Variants in ADCY3 observed in about 807,000 individuals in gnomAD.
ADCY3 encodes the protein adenylate cyclase 3.
ADCY3 carries 70 observed loss-of-function variants against 119.4 expected under a neutral mutation model. That is an observed-to-expected ratio of 0.59 (90% CI 0.48 to 0.72). The LOEUF (loss-of-function observed/expected upper bound fraction) is 0.72. ADCY3 is among the 30% of genes least tolerant of loss of function. The probability of loss-of-function intolerance (pLI) is 0.00; values close to 1 mark genes in which losing one functional copy is unlikely to be tolerated. For synonymous variants in ADCY3, 672 were observed against 621.4 expected (o/e 1.08, Z -1.21); for missense variants, 1,238 against 1,541.6 (o/e 0.80, Z 3.30).
intron 3 of ADCY3, among the ~76,000 whole-genome samples, chr2:24,860,495 A>C (rs2148719489): frequency 6.6e-6 from 1 of 152,358 alleles, no homozygotes; most frequent in Non-Finnish European, 1.5e-5. Flanking sequence ...AAGAGCTCCA[A>C]ATCCACAAGG....
intron 12 of ADCY3, 101 bp downstream of exon 12, chr2:24,831,561 G>T: frequency 1.1e-6 from 1 of 945,152 alleles, no homozygotes; most frequent in Non-Finnish European, 1.7e-6. Flanking sequence ...GTGTCTGCCT[G>T]TCAGATTTGA....
chr2:24,908,778 A>G (rs1209363606), intron 2 of ADCY3, among the ~76,000 whole-genome samples: 1 of 152,186 alleles, frequency 6.6e-6, no homozygotes, highest in Non-Finnish European at 1.5e-5. Flanking sequence ...AAACACCATC[A>G]GACAGACACT....
chr2:24,877,476 C>T (rs955159928), intron 2 of ADCY3, among the ~76,000 whole-genome samples: 1 of 152,214 alleles, frequency 6.6e-6, no homozygotes. Context: ...GGTCGCTCCC[C>T]TGAGGACAGC....
Position 24,823,366 on chromosome 2 carries a change from G to C in ADCY3, c.2737-11C>G. 6.2e-7 allele frequency: 1 copy of C among 1,609,432 alleles called. No individual in the cohort carries two copies. Among genetic ancestry groups the C allele is most frequent in the Non-Finnish European group, 8.5e-7 (1 of 1,178,700 alleles). ...CTGGCTATACAGCTCCTAAAAAGAG[G>C]TGCGGACAACGTGCTCAAAGCATGT... On this transcript the variant is annotated splice_polypyrimidine_tract_variant and intron_variant, in intron 17 of 21. Transcript: ENST00000679454.
At chr2:24,826,175 G>C in intron 15 of ADCY3, 49 bp from the exon 16 acceptor site, 1 of 1,533,424 alleles carries the variant, frequency 6.5e-7, no homozygotes. Context: ...CTGCCTCCTG[G>C]AGGGGGCCTG....
intron 2 of ADCY3, among the ~76,000 whole-genome samples, chr2:24,897,427 A>G (rs898670044): frequency 2.0e-5 from 3 of 152,162 alleles, no homozygotes; most frequent in Admixed American, 6.5e-5. Flanking sequence ...CTGAAACTGG[A>G]CAGAGCAGAA....
At chr2:24,864,849 G>A (rs951045604) in intron 3 of ADCY3, among the ~76,000 whole-genome samples, 1 of 152,098 alleles carries the variant, frequency 6.6e-6, no homozygotes, top group African/African-American at 2.4e-5. Context: ...GATTAAAATG[G>A]TAAATTTTAT....
In ADCY3 at chr2:24,918,499, G is replaced by C. The variant is rs143034828; in HGVS notation, c.489C>G (p.His163Gln). 1.6e-5 allele frequency: 26 copies of C among 1,613,892 alleles called. No individual in the cohort carries two copies. In the Middle Eastern group the frequency reaches 1.3e-3, roughly 82 times the overall value. The change falls in exon 2 of 22, where the codon CAC becomes CAG. Residue 163 changes from histidine (H) to glutamine (Q), a missense_variant. Transcript: ENST00000679454. This position sits in a 1 kb window ranked among gnomAD's most constrained non-coding sequence, Gnocchi z 5.4. Reference sequence around the variant, plus strand: ...GCCAGCCCACCGTGTCACTAGCCGCGTGGGCACGCGCGAAGTTCAGGCCCA... The same window carrying C: ...GCCAGCCCACCGTGTCACTAGCCGCCTGGGCACGCGCGAAGTTCAGGCCCA... ...SYLGLNFARA[H>Q]AASDTVGWQV... is the part of the protein sequence containing the mutation.
At chr2:24,866,579 A>AAG (rs1553350409) in intron 3 of ADCY3, among the ~76,000 whole-genome samples, 3 of 150,118 alleles carry the variant, frequency 2.0e-5, no homozygotes, top group African/African-American at 7.3e-5. Context: ...AAAAAAAAAA[A>AAG]AAAAAAGAAA....
intron 3 of ADCY3, among the ~76,000 whole-genome samples, chr2:24,859,901 C>T (rs1258351588): frequency 6.6e-6 from 1 of 152,174 alleles, no homozygotes; most frequent in Non-Finnish European, 1.5e-5. Context: ...TGGCTTTCTA[C>T]CCTAGACCCT....
chr2:24,837,172 G>T, intron 8 of ADCY3, 127 bp from the exon 9 acceptor site: 1 of 1,141,390 alleles, frequency 8.8e-7, no homozygotes, highest in Non-Finnish European at 1.2e-6. Context: ...GAACTTGCTT[G>T]TGGATTGCAA....
At position 24,918,882 on chromosome 2, in the gene ADCY3, G is replaced by A; in HGVS notation, c.106C>T (p.His36Tyr). The A allele has an allele frequency of 6.2e-7, 1 of 1,613,092 alleles. No individual in the cohort carries two copies. The highest frequency in any genetic ancestry group is 1.1e-5 in the South Asian group (1 of 91,084). ...CCCGAGTTCCGGACCGAGATTTCAT[G>A]GGTCCGGCCCACCCCGCGGTCAGGG... ...SDPDRGVGRTHEISVRNSGSC... is the reference protein window; with the variant it reads ...SDPDRGVGRTYEISVRNSGSC... The change falls in exon 2 of 22, where the codon CAT becomes TAT. Residue 36 changes from histidine (H) to tyrosine (Y), a missense_variant. His to Tyr is a moderately conservative substitution (Grantham distance 83). Transcript: ENST00000679454. This position sits in a 1 kb window ranked among gnomAD's most constrained non-coding sequence, Gnocchi z 5.4.
At chr2:24,903,500 T>C (rs1227188632) in intron 2 of ADCY3, among the ~76,000 whole-genome samples, 1 of 152,158 alleles carries the variant, frequency 6.6e-6, no homozygotes, top group Non-Finnish European at 1.5e-5. Flanking sequence ...TTCTTCACCC[T>C]CTGTTCCTCC....
At chr2:24,903,756 C>A (rs895728905) in intron 2 of ADCY3, among the ~76,000 whole-genome samples, 1 of 152,112 alleles carries the variant, frequency 6.6e-6, no homozygotes, top group African/African-American at 2.4e-5. Flanking sequence ...CAGCACGGCT[C>A]GCCAGCTGAA....
chr2:24,875,267 GC>G (rs1365795251), intron 2 of ADCY3, among the ~76,000 whole-genome samples: 1 of 152,200 alleles, frequency 6.6e-6, no homozygotes, highest in African/African-American at 2.4e-5. Context: ...CTGGGGCGCT[GC>G]CCCCTGTTCC....
rs1229472101 is a variant in ADCY3, at chr2:24,834,226, T to A, written c.1967+259A>T. ...GTCTCCAGCCTTCTGGAGGCCTCTG[T>A]CCCTCAGCTCTCTTGATCCTGGCCA... is the stretch of plus-strand genomic sequence containing the variant. On this transcript the variant is annotated intron_variant, in intron 11 of 21. Transcript: ENST00000679454. This position sits in a 1 kb window ranked among gnomAD's most constrained non-coding sequence, Gnocchi z 4.2. Among the ~76,000 whole-genome samples the A allele has an allele frequency of 6.6e-6, 1 of 152,196 alleles. No individual in the cohort carries two copies. Among genetic ancestry groups the A allele is most frequent in the Non-Finnish European group, 1.5e-5 (1 of 68,022 alleles).
chr2:24,909,696 G>A (rs565080327), intron 2 of ADCY3, among the ~76,000 whole-genome samples: 30 of 152,158 alleles, frequency 2.0e-4, no homozygotes, highest in Non-Finnish European at 3.8e-4. Flanking sequence ...GAAGCATTCT[G>A]TGGTCACAGA....
At chr2:24,840,829 C>G (rs1369214326) in intron 6 of ADCY3, among the ~76,000 whole-genome samples, 1 of 152,190 alleles carries the variant, frequency 6.6e-6, no homozygotes, top group African/African-American at 2.4e-5. Flanking sequence ...CATCCCTGAG[C>G]CCCTCTGCCA....
chr2:24,823,285 T>C lies in ADCY3; in HGVS notation c.2807A>G (p.Tyr936Cys). 6.2e-7 allele frequency: 1 copy of C among 1,613,856 alleles called. No individual in the cohort carries two copies. Residue 936 changes from tyrosine (Y) to cysteine (C), a missense_variant, in exon 18 of 22, where the codon TAC becomes TGC. This residue lies in a region of ADCY3 where 37 missense variants were observed against 73.5 expected (regional missense o/e 0.50). Transcript: ENST00000679454. ...FASLPNFADF[Y>C]TEESINNGGI... is the part of the protein sequence containing the mutation. ...ACCATTGTTGATGCTCTCCTCTGTGTAGAAGTCAGCAAAGTTGGGCAGGGA... is the reference window on the plus strand; with the variant it reads ...ACCATTGTTGATGCTCTCCTCTGTGCAGAAGTCAGCAAAGTTGGGCAGGGA...
Sources: allele counts gnomAD v4.1 joint callset (sites outside exome capture counted in the v4.1 genomes callset), GRCh38; gene constraint gnomAD v4.1.1; regional missense constraint gnomAD v4.1.1; non-coding constraint Gnocchi (gnomAD v3.1); transcripts MANE v1.5; gene names NCBI Gene and HGNC (gene_info 2026-07-23, HGNC 2026-07-21).